Variants in RMDN2 observed in about 807,000 individuals in gnomAD.
The protein encoded by RMDN2 is regulator of microtubule dynamics 2.
RMDN2 carries 61 observed loss-of-function variants against 52.8 expected under a neutral mutation model. That is an observed-to-expected ratio of 1.16 (90% CI 0.94 to 1.43). The LOEUF (loss-of-function observed/expected upper bound fraction) is 1.43. RMDN2 is among the 40% of genes most tolerant of loss of function. The pLI, the probability that RMDN2 is intolerant of heterozygous loss-of-function variation, is 0.00. For synonymous variants in RMDN2, 180 were observed against 153.1 expected (o/e 1.18, Z -1.30); for missense variants, 592 against 475.3 (o/e 1.25, Z -2.28).
chr2:38,022,183 TAAAG>T (rs898670875), downstream of RMDN2, among the ~76,000 whole-genome samples: 31 of 151,742 alleles, frequency 2.0e-4, no homozygotes, highest in African/African-American at 7.3e-4. Context: ...CAAACCAAAA[TAAAG>T]AAGTTATCTG....
intron 10 of RMDN2, among the ~76,000 whole-genome samples, chr2:38,024,499 G>C (rs778641765): frequency 7.2e-5 from 11 of 152,234 alleles, no homozygotes; most frequent in Admixed American, 1.3e-4. Context: ...ATATCTGATA[G>C]GGGGTTTAAT....
chr2:37,991,123 A>C, intron 6 of RMDN2, 97 bp from the exon 7 acceptor site: 1 of 532,818 alleles, frequency 1.9e-6, no homozygotes, highest in Non-Finnish European at 3.3e-6. Flanking sequence ...CTGAGACAAT[A>C]TTTTAAAACC....
intron 10 of RMDN2, among the ~76,000 whole-genome samples, chr2:38,047,185 T>C (rs1681325123): frequency 6.6e-6 from 1 of 152,208 alleles, no homozygotes; most frequent in Non-Finnish European, 1.5e-5. Flanking sequence ...AGAAATACTA[T>C]GTTTTTAGAC....
At chr2:37,959,771 T>C (rs1307658372) in intron 2 of RMDN2, among the ~76,000 whole-genome samples, 1 of 150,950 alleles carries the variant, frequency 6.6e-6, no homozygotes, top group Non-Finnish European at 1.5e-5. Flanking sequence ...TTTTCTGCTT[T>C]CTCCTGTAGG....
chr2:37,946,404 C>G (rs562107543), intron 2 of RMDN2, among the ~76,000 whole-genome samples: 1 of 152,046 alleles, frequency 6.6e-6, no homozygotes, highest in Non-Finnish European at 1.5e-5. Flanking sequence ...TTTTCTCTTC[C>G]CTATGCTACC....
intron 7 of RMDN2, among the ~76,000 whole-genome samples, chr2:37,994,715 A>G (rs540962078): frequency 1.3e-5 from 2 of 152,370 alleles, no homozygotes; most frequent in Non-Finnish European, 2.9e-5. Context: ...CAGCGAGGAT[A>G]TAGAGCAATT....
intron 10 of RMDN2, among the ~76,000 whole-genome samples, chr2:38,056,460 G>A (rs975893094): frequency 6.6e-6 from 1 of 152,198 alleles, no homozygotes; most frequent in Non-Finnish European, 1.5e-5. Flanking sequence ...CAGGGCATGT[G>A]TTTATTTTTA....
chr2:37,941,483 G>C (rs1373241893), intron 2 of RMDN2, among the ~76,000 whole-genome samples: 1 of 152,238 alleles, frequency 6.6e-6, no homozygotes, highest in Non-Finnish European at 1.5e-5. Context: ...GTCTGCTGAA[G>C]CTGCGCCCAC....
intron 2 of RMDN2, among the ~76,000 whole-genome samples, chr2:37,931,532 A>G (rs1009197658): frequency 4.6e-5 from 7 of 152,236 alleles, no homozygotes; most frequent in Non-Finnish European, 1.0e-4. Flanking sequence ...AGTTCTGCTG[A>G]AGGAGTATAG....
At chr2:37,928,041 A>C (rs1332713248) in intron 1 of RMDN2, among the ~76,000 whole-genome samples, 1 of 152,206 alleles carries the variant, frequency 6.6e-6, no homozygotes, top group Admixed American at 6.5e-5. Flanking sequence ...CTTTCTCTGG[A>C]ATCTTTGGTT....
At chr2:37,984,913 G>T (rs1194075106) in intron 5 of RMDN2, among the ~76,000 whole-genome samples, 1 of 151,984 alleles carries the variant, frequency 6.6e-6, no homozygotes, top group Non-Finnish European at 1.5e-5. Context: ...CACAAACATA[G>T]GTAGAATGGA....
At chr2:38,005,938 A>T (rs1244883392) in intron 10 of RMDN2, among the ~76,000 whole-genome samples, 1 of 152,212 alleles carries the variant, frequency 6.6e-6, no homozygotes, top group African/African-American at 2.4e-5. Context: ...CAGTTTTCCC[A>T]GCACCATTTA....
chr2:37,956,918 T>C (rs750789422), intron 2 of RMDN2, among the ~76,000 whole-genome samples: 18 of 152,154 alleles, frequency 1.2e-4, no homozygotes, highest in Non-Finnish European at 2.4e-4. Context: ...TGGTTTTCTG[T>C]TCCTGTGCTA....
At chr2:38,018,650 C>T (rs893525224), downstream of RMDN2, among the ~76,000 whole-genome samples, 2 of 152,140 alleles carry the variant, frequency 1.3e-5, no homozygotes, top group African/African-American at 4.8e-5. Flanking sequence ...AAAATAAGCA[C>T]AGAAGAGCAT....
intron 10 of RMDN2, among the ~76,000 whole-genome samples, chr2:38,059,061 G>T (rs1681945640): frequency 1.3e-5 from 2 of 152,090 alleles, no homozygotes; most frequent in Admixed American, 6.6e-5. Context: ...ATTGAAATGG[G>T]TTCAATTATA....
chr2:37,940,009 G>A (rs1023794182), intron 2 of RMDN2, among the ~76,000 whole-genome samples: 4 of 152,126 alleles, frequency 2.6e-5, no homozygotes, highest in Non-Finnish European at 4.4e-5. Context: ...TGTTTTTGCC[G>A]TGTCTGGTAC....
At chr2:37,926,454 A>G (rs1020669460) in intron 1 of RMDN2, among the ~76,000 whole-genome samples, 18 of 152,184 alleles carry the variant, frequency 1.2e-4, no homozygotes, top group African/African-American at 4.1e-4. Flanking sequence ...ATACACATTA[A>G]TTAAGTGCCA....
rs935619228 is a variant in RMDN2, at chr2:37,986,836, C to A, written c.792-2705C>A. On this transcript the variant is annotated intron_variant, in intron 5 of 10. Coordinates refer to ENST00000354545, the MANE Select transcript of RMDN2 (RefSeq NM_001170791.3). ...CAATTTTCCTCAACTTGATAAAGAACATTTACAGGAAACATACAGCTAACA... is the reference window on the plus strand; with the variant it reads ...CAATTTTCCTCAACTTGATAAAGAAAATTTACAGGAAACATACAGCTAACA... 2.0e-5 allele frequency among the ~76,000 whole-genome samples: 3 copies of A among 151,954 alleles called. No homozygotes were observed. The East Asian group carries it at 5.8e-4, about 29-fold the overall frequency.
At chr2:38,063,488 A>G (rs959857483) in intron 10 of RMDN2, among the ~76,000 whole-genome samples, 1 of 152,220 alleles carries the variant, frequency 6.6e-6, no homozygotes. Context: ...GGACATAGGC[A>G]TGGGCAAGGA....
Sources: allele counts gnomAD v4.1 joint callset (sites outside exome capture counted in the v4.1 genomes callset), GRCh38; gene constraint gnomAD v4.1.1; transcripts MANE v1.5; gene names NCBI Gene and HGNC (gene_info 2026-07-23, HGNC 2026-07-21).